Variants in NOL4L observed in about 807,000 individuals in gnomAD.
NOL4L encodes the protein nucleolar protein 4 like, also known as nucleolar protein 4-like.
A neutral mutation model predicts 64.5 loss-of-function variants in NOL4L; 7 were observed. That is an observed-to-expected ratio of 0.11 (90% CI 0.06 to 0.20). The LOEUF is 0.20. Among genes scored for constraint, NOL4L ranks in the 10% least tolerant of loss-of-function variants. The pLI, the probability that NOL4L is intolerant of heterozygous loss-of-function variation, is 1.00. For synonymous variants in NOL4L, 413 were observed against 401.0 expected, an observed-to-expected ratio of 1.03 and a Z score of -0.36; for missense variants, 680 against 967.1, an observed-to-expected ratio of 0.70 and a Z score of 3.94.
chr20:32,534,454 G>A (rs1432718757), intron 1 of NOL4L, among the ~76,000 whole-genome samples: 1 of 152,194 alleles, frequency 6.6e-6, no homozygotes, highest in African/African-American at 2.4e-5. Flanking sequence ...CCATCAAAGT[G>A]GCTGAGATCA....
chr20:32,481,967 G>C (rs947829268), intron 4 of NOL4L, among the ~76,000 whole-genome samples: 4 of 150,466 alleles, frequency 2.7e-5, no homozygotes, highest in African/African-American at 7.3e-5. Context: ...GGCGGGGCGG[G>C]GGGGGGGGAG....
intron 1 of NOL4L, among the ~76,000 whole-genome samples, chr20:32,582,336 C>T (rs1205858507): frequency 1.3e-5 from 2 of 152,114 alleles, no homozygotes; most frequent in East Asian, 3.9e-4. Context: ...AGACTGGGGA[C>T]GGTCGCGCTG....
chr20:32,572,175 C>T (rs1600887109), intron 1 of NOL4L, among the ~76,000 whole-genome samples: 1 of 152,216 alleles, frequency 6.6e-6, no homozygotes, highest in East Asian at 1.9e-4. Flanking sequence ...AGTCTGTAGT[C>T]TGCCTCTTCC....
At chr20:32,475,494 CTCGCTGCCGGCT>C in intron 4 of NOL4L, 1 of 274,586 alleles carries the variant, frequency 3.6e-6, no homozygotes, top group Non-Finnish European at 5.6e-6. Context: ...CTCCTCTCTC[CTCGCTGCCGGCT>C]TCGGGCCGGC....
rs2014400418 is a variant in NOL4L at position 32,464,771 on chromosome 20, C to T, written c.842-8376G>A. 2.6e-6 allele frequency: 1 copy of T among 381,990 alleles called. No individual in the cohort carries two copies. Among genetic ancestry groups the T allele is most frequent in the Non-Finnish European group, 4.6e-6 (1 of 216,034 alleles). The allele number at this position is 381,990 out of a possible 1,614,324, so 23.7% of individuals were successfully genotyped here. On this transcript the variant is annotated intron_variant, in intron 5 of 10. Coordinates refer to ENST00000621426, the MANE Select transcript of NOL4L (RefSeq NM_001256798.2). The surrounding 1 kb of genome is among the most constrained non-coding windows in gnomAD (Gnocchi z 5.6). ...CACATTTTAAAAAGTAATAAAGAAA[C>T]AGGTGAAATCAATTTTAATAATCTA...
chr20:32,488,430 G>T (rs2016188983), intron 4 of NOL4L, among the ~76,000 whole-genome samples: 1 of 152,180 alleles, frequency 6.6e-6, no homozygotes, highest in Admixed American at 6.5e-5. Flanking sequence ...TTCCCCAGAG[G>T]GAGTACTTGG....
rs564168973 is a variant in NOL4L at position 32,462,903 on chromosome 20, T to TAAAAAAA, written c.842-6515_842-6509dup. Among the ~76,000 whole-genome samples the TAAAAAAA allele has an allele frequency of 2.1e-3, 162 of 76,638 alleles. 2 individuals carry two copies. The highest frequency in any genetic ancestry group is 7.2e-3 in the African/African-American group (151 of 20,856). 50.3% of individuals were successfully genotyped at this position (76,638 alleles called of 152,430 possible). On this transcript the variant is annotated intron_variant, in intron 5 of 10. Transcript: ENST00000621426. Reference sequence around the variant, plus strand: ...CTGGCGACAAAGCGAGACTCTGTCTTAAAAAAAAAAAAAAAAAAAACTGAT... The same window carrying TAAAAAAA: ...CTGGCGACAAAGCGAGACTCTGTCTTAAAAAAAAAAAAAAAAAAAAAAAAAAACTGAT...
intron 4 of NOL4L, among the ~76,000 whole-genome samples, chr20:32,482,412 T>C (rs1164238508): frequency 6.6e-6 from 1 of 152,022 alleles, no homozygotes; most frequent in African/African-American, 2.4e-5. Context: ...GCGGCCGGAC[T>C]CGGGCAAACG....
chr20:32,569,293 AGGGACCAGAGCT>A (rs1424776556), intron 1 of NOL4L, among the ~76,000 whole-genome samples: 1 of 152,238 alleles, frequency 6.6e-6, no homozygotes, highest in East Asian at 1.9e-4. Flanking sequence ...AACTGGAAAG[AGGGACCAGAGCT>A]GGGCCTTGCA....
intron 2 of NOL4L, among the ~76,000 whole-genome samples, chr20:32,522,705 T>C (rs2017988526): frequency 6.6e-6 from 1 of 152,200 alleles, no homozygotes; most frequent in South Asian, 2.1e-4. Flanking sequence ...GGGTGGCAGC[T>C]GCAGGAGCAA....
At chr20:32,545,222 A>G (rs2018715639) in intron 1 of NOL4L, among the ~76,000 whole-genome samples, 1 of 152,202 alleles carries the variant, frequency 6.6e-6, no homozygotes, top group Non-Finnish European at 1.5e-5. Context: ...GCAGTGAGTT[A>G]TAATAGTGCC....
At chr20:32,458,949 CA>C in intron 5 of NOL4L, among the ~76,000 whole-genome samples, 1 of 152,376 alleles carries the variant, frequency 6.6e-6, no homozygotes, top group African/African-American at 2.4e-5. Flanking sequence ...TCTACCAGGT[CA>C]GATGCCCGGC....
At chr20:32,563,801 C>T (rs551047423) in intron 1 of NOL4L, among the ~76,000 whole-genome samples, 12 of 152,312 alleles carry the variant, frequency 7.9e-5, no homozygotes, top group South Asian at 2.1e-4. Flanking sequence ...GGAAAAGCCA[C>T]GACGTCCTAG....
At chr20:32,564,355 C>T (rs538173097) in intron 1 of NOL4L, among the ~76,000 whole-genome samples, 30 of 152,192 alleles carry the variant, frequency 2.0e-4, no homozygotes, top group South Asian at 4.1e-4. Context: ...ACCTCACAGC[C>T]GCTCATGGGT....
chr20:32,498,171 G>A (rs2016773279), intron 4 of NOL4L, among the ~76,000 whole-genome samples: 1 of 152,294 alleles, frequency 6.6e-6, no homozygotes, highest in African/African-American at 2.4e-5. Context: ...TCCAGACAGG[G>A]TGGTGGCTGT....
At chr20:32,569,609 C>G (rs1429609390) in intron 1 of NOL4L, among the ~76,000 whole-genome samples, 1 of 152,120 alleles carries the variant, frequency 6.6e-6, no homozygotes, top group South Asian at 2.1e-4. Context: ...GCATGGGGGA[C>G]TCCAGGCAGA....
intron 4 of NOL4L, among the ~76,000 whole-genome samples, chr20:32,488,177 G>T (rs780567900): frequency 1.3e-5 from 2 of 152,080 alleles, no homozygotes; most frequent in African/African-American, 4.8e-5. Flanking sequence ...TGATCCACCC[G>T]CCTTGGCCTT....
intron 2 of NOL4L, among the ~76,000 whole-genome samples, chr20:32,524,318 G>A (rs1486355554): frequency 6.6e-6 from 1 of 151,896 alleles, no homozygotes; most frequent in Admixed American, 6.6e-5. Context: ...CTTCCTACTC[G>A]AAATGGGAAT....
intron 4 of NOL4L, among the ~76,000 whole-genome samples, chr20:32,488,774 C>CCTTCCTTCCTTT (rs2016228144): frequency 1.9e-5 from 1 of 52,168 alleles, no homozygotes; most frequent in Non-Finnish European, 3.0e-5. Context: ...TTCCTTCCTT[C>CCTTCCTTCCTTT]CTTCCTTCCT....
Sources: allele counts gnomAD v4.1 joint callset (sites outside exome capture counted in the v4.1 genomes callset), GRCh38; gene constraint gnomAD v4.1.1; non-coding constraint Gnocchi (gnomAD v3.1); transcripts MANE v1.5; gene names NCBI Gene and HGNC (gene_info 2026-07-23, HGNC 2026-07-21).